The following MIAT variants were observed in gnomAD, a reference collection of about 807,000 sequenced individuals.
MIAT encodes the protein myocardial infarction associated transcript, also known as MI related novel mRNA.
chr22:26,670,131 T>TC (rs1165644786), downstream of MIAT: 7 of 397,462 alleles, frequency 1.8e-5, no homozygotes, highest in Admixed American at 4.4e-5. Context: ...GATTAGCCCT[T>TC]CCCTACCTAT....
intron 2 of MIAT, among the ~76,000 whole-genome samples, chr22:26,656,771 C>G (rs1381150585): frequency 6.6e-6 from 1 of 152,072 alleles, no homozygotes; most frequent in African/African-American, 2.4e-5. Flanking sequence ...CGCGGTGGCT[C>G]GCGCCTGTAG....
intron 5 of MIAT, chr22:26,668,031 G>A (rs1930914712): frequency 2.5e-6 from 1 of 397,342 alleles, no homozygotes; most frequent in Non-Finnish European, 4.4e-6. Flanking sequence ...TGTGTGTGCT[G>A]GGGGCATGAG....
chr22:26,657,443 G>C (rs974799426), intron 2 of MIAT: 1 of 398,626 alleles, frequency 2.5e-6, no homozygotes. Context: ...GCCTCCGCCC[G>C]CCAGCCGCTC....
At chr22:26,649,501 C>T (rs1930298642) in intron 2 of MIAT, among the ~76,000 whole-genome samples, 1 of 152,200 alleles carries the variant, frequency 6.6e-6, no homozygotes, top group African/African-American at 2.4e-5. Flanking sequence ...ACAACAGTGC[C>T]CAGCTCATGG....
chr22:26,671,870 A>G (rs1292250474), downstream of MIAT: 2 of 397,626 alleles, frequency 5.0e-6, no homozygotes, highest in Non-Finnish European at 8.8e-6. Context: ...AGGCCCCTCA[A>G]ACCTGGTTGA....
exon 5 of MIAT, chr22:26,675,412 G>T: frequency 2.5e-6 from 1 of 398,686 alleles, no homozygotes; most frequent in South Asian, 1.3e-4. Flanking sequence ...CTGAGAAAGG[G>T]AGTTAGTGGA....
chr22:26,652,834 G>A (rs1398552990), intron 2 of MIAT, among the ~76,000 whole-genome samples: 1 of 152,142 alleles, frequency 6.6e-6, no homozygotes, highest in East Asian at 1.9e-4. Flanking sequence ...GGAAATCTGG[G>A]GTTTCAGAGT....
chr22:26,674,987 G>A, exon 5 of MIAT: 1 of 398,752 alleles, frequency 2.5e-6, no homozygotes, highest in Admixed American at 4.4e-5. Context: ...GGGGTCTGTG[G>A]GAGCACCAAG....
chr22:26,669,175 G>GA (rs760555732), exon 6 of MIAT: 2 of 398,758 alleles, frequency 5.0e-6, no homozygotes, highest in African/African-American at 2.1e-5. Context: ...GCGTTTGCAA[G>GA]AGAGCAGCTT....
chr22:26,647,155 C>T (rs532544088), intron 1 of MIAT: 2 of 398,558 alleles, frequency 5.0e-6, no homozygotes, highest in Non-Finnish European at 8.8e-6. Context: ...TTCTCTGGGT[C>T]TCTGTTCCAT....
intron 2 of MIAT, among the ~76,000 whole-genome samples, chr22:26,661,927 T>TTG (rs1201529612): frequency 1.4e-4 from 3 of 21,640 alleles, no homozygotes; most frequent in Admixed American, 4.2e-4. Flanking sequence ...CATATATATA[T>TTG]ATATATATAT....
chr22:26,671,933 T>G (rs992087527), downstream of MIAT: 1 of 398,514 alleles, frequency 2.5e-6, no homozygotes, highest in Non-Finnish European at 4.4e-6. Context: ...ACACAGATCC[T>G]TCTGCCTGGG....
Position 26,665,589 on chromosome 22 carries a change from G to A in MIAT, n.788G>A, listed in dbSNP as rs947920798. 11 of 398,778 alleles carry A rather than the reference G, an allele frequency of 2.8e-5. No individual in the cohort carries two copies. The South Asian group carries it at 3.8e-4, about 14-fold the overall frequency. The allele number at this position is 398,778 out of a possible 1,614,324, so 24.7% of individuals were successfully genotyped here. ...AGGGAATTTCCAGGTTCTTCAGGAC[G>A]TTCACAACCACACTGAGAAGCATCT... On this transcript the variant is annotated non_coding_transcript_exon_variant, in exon 4 of 6. Transcript: ENST00000643270.
downstream of MIAT, chr22:26,670,784 C>T (rs927558802): frequency 4.0e-5 from 16 of 398,324 alleles, no homozygotes; most frequent in African/African-American, 2.3e-4. Context: ...CATGGAACAT[C>T]GTTTAGAACT....
chr22:26,661,679 G>C (rs1185661974), intron 2 of MIAT, among the ~76,000 whole-genome samples: 1 of 151,890 alleles, frequency 6.6e-6, no homozygotes. Flanking sequence ...TATCTTGTTT[G>C]ACTCTGAAAC....
intron 2 of MIAT, chr22:26,657,231 C>G: frequency 3.0e-6 from 1 of 332,336 alleles, no homozygotes; most frequent in Non-Finnish European, 5.4e-6. Context: ...ATGACAGCGC[C>G]GCGGGTGGGG....
downstream of MIAT, chr22:26,669,825 G>A (rs759336647): frequency 1.8e-5 from 7 of 398,908 alleles, no homozygotes; most frequent in Non-Finnish European, 2.7e-5. Context: ...GCTCAGTGCA[G>A]GGAGGCGGAG....
At chr22:26,652,540 A>G (rs1056251534) in intron 2 of MIAT, among the ~76,000 whole-genome samples, 3 of 151,938 alleles carry the variant, frequency 2.0e-5, no homozygotes, top group African/African-American at 7.3e-5. Flanking sequence ...TATTTTTAGT[A>G]GAGACGGGGA....
intron 3 of MIAT, among the ~76,000 whole-genome samples, chr22:26,663,893 C>A (rs938846390): frequency 8.6e-5 from 13 of 151,452 alleles, no homozygotes; most frequent in Middle Eastern, 6.3e-3. Context: ...AATCCCCTCT[C>A]AGCCCCAGTC....
Sources: gnomAD v4.1 joint callset for allele counts (sites outside exome capture counted in the v4.1 genomes callset) on GRCh38, gnomAD v4.1.1 for gene constraint, MANE v1.5 for transcripts, NCBI Gene and HGNC (gene_info 2026-07-23, HGNC 2026-07-21) for gene names.